The following DST variants were observed in gnomAD, a reference collection of about 807,000 sequenced individuals.
DST encodes bullous pemphigoid antigen.
A neutral mutation model predicts 875.2 loss-of-function variants in DST; 253 were observed. The ratio of observed to expected loss-of-function variants is 0.29; its 90% CI spans 0.26 to 0.32. The LOEUF is 0.32. Ranked by LOEUF, DST falls within the 10% of genes least tolerant of loss-of-function variation. The probability of loss-of-function intolerance (pLI) is 1.00; values close to 1 mark genes in which losing one functional copy is unlikely to be tolerated. For synonymous variants in DST, 3,124 were observed against 3,197.1 expected (o/e 0.98, Z 0.77); for missense variants, 8,287 against 9,111.6 (o/e 0.91, Z 3.68).
At chr6:56,620,130 T>G (rs150281738) in intron 36 of DST, 82 of 1,613,698 alleles carry the variant, frequency 5.1e-5, no homozygotes, top group Non-Finnish European at 6.8e-6. Context: ...GCTACCTGTT[T>G]CTGAAATGCA....
At chr6:56,929,894 T>C (rs1183388265) in intron 2 of DST, among the ~76,000 whole-genome samples, 1 of 152,186 alleles carries the variant, frequency 6.6e-6, no homozygotes, top group African/African-American at 2.4e-5. Flanking sequence ...CAACACTAAA[T>C]TCAATGAATG....
intron 3 of DST, chr6:56,871,576 C>T: frequency 1.1e-6 from 1 of 892,112 alleles, no homozygotes; most frequent in Non-Finnish European, 1.9e-6. Flanking sequence ...CACTGCTGGA[C>T]CTACAGAGCT....
rs532206141 is a variant in DST at position 56,657,652 on chromosome 6, T to C, written c.1215-6408A>G. Among the ~76,000 whole-genome samples, 16 of 152,340 alleles carry C rather than the reference T, an allele frequency of 1.1e-4. 1 individual carries two copies. Among genetic ancestry groups the C allele is most frequent in the Middle Eastern group, 6.8e-3 (2 of 294 alleles). ...CACTGGATGAAAAGAGCTCTGGAGA[T>C]GGATGGCGGTGATGGTTGTACAACA... On this transcript the variant is annotated intron_variant, in intron 10 of 103. Transcript: ENST00000680361.
At chr6:56,883,026 C>A (rs903579656) in intron 3 of DST, among the ~76,000 whole-genome samples, 3 of 152,176 alleles carry the variant, frequency 2.0e-5, no homozygotes, top group African/African-American at 7.2e-5. Context: ...TGCCACCACA[C>A]CCAGCTGGTT....
intron 3 of DST, among the ~76,000 whole-genome samples, chr6:56,883,935 G>C (rs1214658560): frequency 2.0e-5 from 3 of 151,756 alleles, no homozygotes; most frequent in Non-Finnish European, 4.4e-5. Flanking sequence ...AAATATCCAA[G>C]CCTGGGCAAC....
chr6:56,494,459 C>T (rs917853762), intron 82 of DST, among the ~76,000 whole-genome samples: 7 of 152,084 alleles, frequency 4.6e-5, no homozygotes, highest in African/African-American at 1.7e-4. Flanking sequence ...GTCAAGAAAG[C>T]TTTCACTGTA....
chr6:56,828,931 T>G (rs1435264874), intron 4 of DST, among the ~76,000 whole-genome samples: 1 of 152,066 alleles, frequency 6.6e-6, no homozygotes, highest in African/African-American at 2.4e-5. Context: ...CTAGAAAGCT[T>G]CACTAATCCC....
intron 5 of DST, among the ~76,000 whole-genome samples, chr6:56,709,093 C>T (rs1362024862): frequency 6.6e-6 from 1 of 152,182 alleles, no homozygotes; most frequent in African/African-American, 2.4e-5. Flanking sequence ...ACTTGAATTA[C>T]ATAACAAGGC....
chr6:56,566,721 A>G (rs946213081), intron 55 of DST, among the ~76,000 whole-genome samples: 2 of 152,254 alleles, frequency 1.3e-5, no homozygotes, highest in Non-Finnish European at 2.9e-5. Flanking sequence ...GAAGGTGCTC[A>G]GTATATAAGT....
At chr6:56,843,820 G>A (rs1591570445) in intron 4 of DST, among the ~76,000 whole-genome samples, 1 of 151,754 alleles carries the variant, frequency 6.6e-6, no homozygotes, top group Non-Finnish European at 1.5e-5. Flanking sequence ...CTCAGCTCCG[G>A]CCCCGGCGCC....
At chr6:56,808,278 G>A (rs1396727859) in intron 4 of DST, among the ~76,000 whole-genome samples, 2 of 151,442 alleles carry the variant, frequency 1.3e-5, no homozygotes, top group African/African-American at 2.4e-5. Flanking sequence ...AACTGAGATT[G>A]TCCGTGCTGC....
chr6:56,515,238 T>C (rs1466146688), intron 72 of DST, among the ~76,000 whole-genome samples: 1 of 145,836 alleles, frequency 6.9e-6, no homozygotes, highest in East Asian at 2.0e-4. Flanking sequence ...TGTGATGTAA[T>C]TAATGACATA....
At chr6:56,618,396 G>C (rs1415610905) in intron 36 of DST, 1 of 1,614,044 alleles carries the variant, frequency 6.2e-7, no homozygotes, top group African/African-American at 1.3e-5. Context: ...TCAAAATCTG[G>C]TTTGAAGGTA....
intron 4 of DST, among the ~76,000 whole-genome samples, chr6:56,797,353 C>A (rs569970756): frequency 2.6e-5 from 4 of 152,254 alleles, no homozygotes; most frequent in East Asian, 1.9e-4. Flanking sequence ...AGTAACCCTA[C>A]AAGGGCCTCT....
chr6:56,905,972 T>A (rs1178444620), intron 2 of DST, among the ~76,000 whole-genome samples: 1 of 152,126 alleles, frequency 6.6e-6, no homozygotes, highest in East Asian at 1.9e-4. Flanking sequence ...CTTTATCCAC[T>A]CATCTCTCCA....
chr6:56,864,203 G>A (rs1772815636), intron 3 of DST: 2 of 152,168 alleles, frequency 1.3e-5, no homozygotes. Context: ...CTGATACCCT[G>A]AAGAATTTGG....
chr6:56,851,798 T>C (rs1013309083), intron 3 of DST, 194 bp from the exon 4 acceptor site: 4 of 1,551,602 alleles, frequency 2.6e-6, no homozygotes, highest in Non-Finnish European at 3.5e-6. Flanking sequence ...CATCTTTTCT[T>C]GGCCAAGTCT....
At chr6:56,613,392 G>A (rs2098565716) in intron 37 of DST, among the ~76,000 whole-genome samples, 1 of 152,096 alleles carries the variant, frequency 6.6e-6, no homozygotes, top group African/African-American at 2.4e-5. Flanking sequence ...AGGAACACTT[G>A]CCTCATATCA....
rs201031760 is a variant in DST at position 56,506,685 on chromosome 6, G to T, written c.19344C>A (p.Val6448=). The T allele has an allele frequency of 5.7e-4, 926 of 1,613,440 alleles. 2 individuals carry two copies. In the African/African-American group the frequency reaches 6.4e-3, roughly 11 times the overall value. Residue 6448 remains valine (V), a synonymous_variant, in exon 76 of 104, where the codon GTC becomes GTA. Transcript: ENST00000680361. ...GTTGTACCTCATCTATACTCTTCTT[G>T]ACAATGGGTTTATCAGGCTCCCCAC... ...AACGEPDKPI[V]KKSIDELNSA... is the part of the protein sequence containing the mutation.
Sources: gnomAD v4.1 joint callset for allele counts (sites outside exome capture counted in the v4.1 genomes callset) on GRCh38, gnomAD v4.1.1 for gene constraint, MANE v1.5 for transcripts, NCBI Gene and HGNC (gene_info 2026-07-23, HGNC 2026-07-21) for gene names.